Variants in ZFP91 observed in about 807,000 individuals in gnomAD.
ZFP91 encodes the protein E3 ubiquitin-protein ligase ZFP91.
In ZFP91, 7 loss-of-function variants were observed where a neutral mutation model predicts 63.5. The observed-to-expected ratio is 0.11, with a 90% CI of 0.06 to 0.21. ZFP91 has a LOEUF of 0.21. Among genes scored for constraint, ZFP91 ranks in the 10% least tolerant of loss-of-function variants. The pLI, the probability that ZFP91 is intolerant of heterozygous loss-of-function variation, is 1.00. For synonymous variants in ZFP91, 330 were observed against 272.1 expected (o/e 1.21, Z -2.10); for missense variants, 628 against 736.6 (o/e 0.85, Z 1.71).
intron 2 of ZFP91, among the ~76,000 whole-genome samples, chr11:58,602,464 G>A (rs1346136660): frequency 1.3e-5 from 2 of 151,786 alleles, no homozygotes; most frequent in Non-Finnish European, 2.9e-5. Context: ...GGGGGAGAGG[G>A]AGAGGGGGCC....
At chr11:58,582,499 G>C (rs1219603557) in intron 1 of ZFP91, among the ~76,000 whole-genome samples, 2 of 152,156 alleles carry the variant, frequency 1.3e-5, no homozygotes, top group Non-Finnish European at 2.9e-5. Flanking sequence ...ACCTACATTT[G>C]ATTTTCTTAA....
intron 2 of ZFP91, among the ~76,000 whole-genome samples, chr11:58,593,317 G>A (rs1201868505): frequency 2.0e-5 from 3 of 152,130 alleles, no homozygotes; most frequent in Admixed American, 1.3e-4. Flanking sequence ...AACTGCATGG[G>A]TCCCCTTATC....
intron 1 of ZFP91, among the ~76,000 whole-genome samples, chr11:58,582,963 A>G (rs1855144618): frequency 6.6e-6 from 1 of 152,190 alleles, no homozygotes; most frequent in African/African-American, 2.4e-5. Context: ...AAATTTGAAG[A>G]AAGTTTATGT....
chr11:58,595,424 A>G (rs1855380628), intron 2 of ZFP91, among the ~76,000 whole-genome samples: 1 of 152,204 alleles, frequency 6.6e-6, no homozygotes. Context: ...AAAGTATTTT[A>G]TCATGACCAA....
At chr11:58,597,622 C>G (rs143885431) in intron 2 of ZFP91, among the ~76,000 whole-genome samples, 95 of 152,166 alleles carry the variant, frequency 6.2e-4, no homozygotes, top group Non-Finnish European at 1.2e-3. Context: ...GTAGGTATGC[C>G]TTTCTTATAG....
intron 1 of ZFP91, among the ~76,000 whole-genome samples, chr11:58,580,439 A>G (rs773403801): frequency 2.0e-4 from 31 of 152,372 alleles, no homozygotes; most frequent in Admixed American, 3.3e-4. Context: ...ATACTGAAGC[A>G]CACAAGTTTG....
chr11:58,617,536 A>T lies in ZFP91; in HGVS notation c.1543A>T (p.Met515Leu), dbSNP rs751613939. 11 of 1,613,994 alleles carry T rather than the reference A, an allele frequency of 6.8e-6. No individual in the cohort carries two copies. In the East Asian group the frequency reaches 2.5e-4, roughly 36 times the overall value. ...GTGCCTACTGTTAGAAGCTGAAGGG[A>T]TGTCAAAGTCATACTGCAGTGGGAC... ...GECLLLEAEG[M>L]SKSYCSGTER... The change falls in exon 11 of 11, where the codon ATG becomes TTG. Residue 515 changes from methionine (M) to leucine (L), a missense_variant. By Grantham distance (15) the Met-to-Leu change is conservative. Transcript: ENST00000316059. This position sits in a 1 kb window ranked among gnomAD's most constrained non-coding sequence, Gnocchi z 4.2.
intron 2 of ZFP91, among the ~76,000 whole-genome samples, chr11:58,600,430 G>A (rs1045634592): frequency 1.3e-5 from 2 of 151,360 alleles, no homozygotes; most frequent in African/African-American, 4.9e-5. Context: ...TTTGAATAAA[G>A]GTAATAATTA....
intron 2 of ZFP91, among the ~76,000 whole-genome samples, chr11:58,605,110 G>A (rs1241030243): frequency 1.3e-5 from 2 of 151,874 alleles, no homozygotes; most frequent in African/African-American, 4.8e-5. Flanking sequence ...TTTTCTTAGG[G>A]GTTACCTGGG....
At position 58,609,954 on chromosome 11, in the gene ZFP91, A is replaced by G. The variant is rs760323035; in HGVS notation, c.495A>G (p.Thr165=). The G allele has an allele frequency of 5.0e-6, 8 of 1,614,212 alleles. No individual in the cohort carries two copies. The highest frequency in any genetic ancestry group is 6.8e-6 in the Non-Finnish European group (8 of 1,180,034). ...SRTSVSRHRD[T]ENTRSSRSKT... ...CATCTGTTTCTCGCCATCGTGATAC[A>G]GAGAACACCCGAAGCTCTCGGTCCA... Residue 165 remains threonine (T), a synonymous_variant, in exon 3 of 11, where the codon ACA becomes ACG. Transcript: ENST00000316059.
chr11:58,585,022 T>C, intron 2 of ZFP91, 138 bp downstream of exon 2: 2 of 619,384 alleles, frequency 3.2e-6, no homozygotes, highest in Non-Finnish European at 5.0e-6. Flanking sequence ...TTAGAAAATA[T>C]TTAGACGACA....
chr11:58,617,070 TTGTGTG>T lies in ZFP91; in HGVS notation c.1203-102_1203-97del, dbSNP rs143676081. 154 of 740,226 alleles carry T rather than the reference TTGTGTG, an allele frequency of 2.1e-4. No individual in the cohort carries two copies. Among genetic ancestry groups the T allele is most frequent in the South Asian group, 1.3e-3 (64 of 48,998 alleles). 45.9% of individuals were successfully genotyped at this position (740,226 alleles called of 1,614,324 possible). ...TTCAAAAGAAGTATGTTACTGATTA[TTGTGTG>T]TGTGTGTGTGTGTGTGTGTGTGTAT... On this transcript the variant is annotated intron_variant, in intron 10 of 10. Coordinates refer to ENST00000316059, the MANE Select transcript of ZFP91 (RefSeq NM_053023.5). This position sits in a 1 kb window ranked among gnomAD's most constrained non-coding sequence, Gnocchi z 4.2.
rs772992716 is a variant in ZFP91, at chr11:58,617,425, A to G, written c.1432A>G (p.Thr478Ala). 2 of 1,613,818 alleles carry G rather than the reference A, an allele frequency of 1.2e-6. No individual in the cohort carries two copies. Among genetic ancestry groups the G allele is most frequent in the Non-Finnish European group, 8.5e-7 (1 of 1,179,848 alleles). The change falls in exon 11 of 11, where the codon ACT becomes GCT. Residue 478 changes from threonine to alanine, a missense_variant. Coordinates refer to ENST00000316059, the MANE Select transcript of ZFP91 (RefSeq NM_053023.5). This position sits in a 1 kb window ranked among gnomAD's most constrained non-coding sequence, Gnocchi z 4.2. ...ALITSTDILGTNPESLTQPSD... is the reference protein window; with the variant it reads ...ALITSTDILGANPESLTQPSD... ...CATCACCAGCACAGATATCTTGGGC[A>G]CTAACCCAGAGTCCCTGACGCAGCC...
intron 2 of ZFP91, among the ~76,000 whole-genome samples, chr11:58,597,615 G>A (rs1057146687): frequency 1.3e-5 from 2 of 152,024 alleles, no homozygotes; most frequent in Non-Finnish European, 2.9e-5. Context: ...AGAGTCTGTA[G>A]GTATGCCTTT....
At chr11:58,612,618 G>A in intron 7 of ZFP91, 144 bp from the exon 8 acceptor site, 2 of 662,560 alleles carry the variant, frequency 3.0e-6, no homozygotes, top group Middle Eastern at 4.1e-4. Flanking sequence ...TACAAATTCT[G>A]TGTAATCTGT....
intron 2 of ZFP91, among the ~76,000 whole-genome samples, chr11:58,603,599 A>T (rs546266577): frequency 6.6e-6 from 1 of 152,342 alleles, no homozygotes; most frequent in East Asian, 1.9e-4. Flanking sequence ...CAGAGACAGA[A>T]TGGAATTAAA....
At chr11:58,591,378 C>A (rs1855303043) in intron 2 of ZFP91, among the ~76,000 whole-genome samples, 1 of 152,080 alleles carries the variant, frequency 6.6e-6, no homozygotes, top group Admixed American at 6.6e-5. Flanking sequence ...GATGTTTGGG[C>A]AGTTTTCAGT....
chr11:58,580,236 TTAA>T (rs1405428528), intron 1 of ZFP91, among the ~76,000 whole-genome samples: 2 of 152,230 alleles, frequency 1.3e-5, no homozygotes, highest in Admixed American at 6.5e-5. Flanking sequence ...TGAGCATTCT[TTAA>T]TGTTTGTTTT....
At chr11:58,593,720 A>T (rs1169333733) in intron 2 of ZFP91, among the ~76,000 whole-genome samples, 1 of 152,206 alleles carries the variant, frequency 6.6e-6, no homozygotes, top group Non-Finnish European at 1.5e-5. Flanking sequence ...TGTTTTACTC[A>T]GCAGTAATCT....
Sources: allele counts gnomAD v4.1 joint callset (sites outside exome capture counted in the v4.1 genomes callset), GRCh38; gene constraint gnomAD v4.1.1; non-coding constraint Gnocchi (gnomAD v3.1); transcripts MANE v1.5; gene names NCBI Gene and HGNC (gene_info 2026-07-23, HGNC 2026-07-21).